The following KCNN3 variants were observed in gnomAD, a reference collection of about 807,000 sequenced individuals.
The protein encoded by KCNN3 is small conductance calcium-activated potassium channel protein 3.
In KCNN3, 16 loss-of-function variants were observed where a neutral mutation model predicts 62.9. That is an observed-to-expected ratio of 0.25 (90% confidence interval 0.17 to 0.39). The LOEUF (loss-of-function observed/expected upper bound fraction) is 0.39. Ranked by LOEUF, KCNN3 falls within the 10% of genes least tolerant of loss-of-function variation. The probability of loss-of-function intolerance (pLI) is 1.00; values close to 1 mark genes in which losing one functional copy is unlikely to be tolerated. For missense variants in KCNN3, 599 were observed against 949.4 expected, an observed-to-expected ratio of 0.63 and a Z score of 4.85; for synonymous variants, 370 against 389.2, an observed-to-expected ratio of 0.95 and a Z score of 0.58.
chr1:154,868,225 C>T, intron 1 of KCNN3: 1 of 985,550 alleles, frequency 1.0e-6, no homozygotes, highest in Non-Finnish European at 1.2e-6. Flanking sequence ...CAGCTGATTC[C>T]AAGGCGGCGC....
At chr1:154,843,124 G>A (rs1417280653) in intron 1 of KCNN3, among the ~76,000 whole-genome samples, 1 of 152,138 alleles carries the variant, frequency 6.6e-6, no homozygotes, top group Non-Finnish European at 1.5e-5. Context: ...CATAGATGCT[G>A]AAGAAGTATG....
chr1:154,843,109 A>T (rs1185683791), intron 1 of KCNN3, among the ~76,000 whole-genome samples: 1 of 152,178 alleles, frequency 6.6e-6, no homozygotes, highest in Non-Finnish European at 1.5e-5. Context: ...AGCCCAGCCC[A>T]TAGACATAGA....
At chr1:154,810,150 T>C (rs57438059) in intron 2 of KCNN3, among the ~76,000 whole-genome samples, 10,088 of 152,148 alleles carry the variant, frequency 0.066, 498 homozygotes, top group African/African-American at 0.13. Context: ...GCTGGCACCT[T>C]ACCATAGGAA....
At chr1:154,760,101 C>G (rs1297550417) in intron 3 of KCNN3, among the ~76,000 whole-genome samples, 2 of 151,968 alleles carry the variant, frequency 1.3e-5, no homozygotes, top group Admixed American at 1.3e-4. Flanking sequence ...CAACCTCCGC[C>G]TCTCAGGTTC....
intron 7 of KCNN3, 42 bp downstream of exon 7, chr1:154,713,422 G>A: frequency 6.6e-7 from 1 of 1,505,758 alleles, no homozygotes; most frequent in East Asian, 2.3e-5. Flanking sequence ...AAGACTCAGT[G>A]TCTGCGTGTT....
At chr1:154,843,484 A>G (rs538895508) in intron 1 of KCNN3, among the ~76,000 whole-genome samples, 2 of 152,082 alleles carry the variant, frequency 1.3e-5, no homozygotes, top group Admixed American at 1.3e-4. Flanking sequence ...GGGTCTGGCT[A>G]TGTTGTCCTG....
At chr1:154,792,796 G>A (rs574865462) in intron 2 of KCNN3, among the ~76,000 whole-genome samples, 2 of 152,312 alleles carry the variant, frequency 1.3e-5, no homozygotes, top group Admixed American at 6.5e-5. Context: ...TATGGGCTCC[G>A]AAGTTCTTTT....
At chr1:154,765,041 A>G (rs971878967) in intron 3 of KCNN3, among the ~76,000 whole-genome samples, 1 of 152,170 alleles carries the variant, frequency 6.6e-6, no homozygotes, top group Non-Finnish European at 1.5e-5. Flanking sequence ...TTCCTGAGGG[A>G]GAGTCAGCTC....
In KCNN3 at chr1:154,806,750, C is replaced by T. The variant is rs186688178; in HGVS notation, c.1029+15339G>A. On this transcript the variant is annotated intron_variant, in intron 2 of 7. Transcript: ENST00000271915. ...TCAAAAACTACAAACTAGAAAGGGG[C>T]CTAAAGGAAATTTGGTGCCCAATGA... 3.3e-5 allele frequency among the ~76,000 whole-genome samples: 5 copies of T among 152,212 alleles called. No individual in the cohort carries two copies. In the East Asian group the frequency reaches 7.7e-4, roughly 23 times the overall value.
chr1:154,789,433 G>A (rs1000856547), intron 2 of KCNN3, among the ~76,000 whole-genome samples: 3 of 152,134 alleles, frequency 2.0e-5, no homozygotes, highest in African/African-American at 2.4e-5. Context: ...TGGGGCAGGG[G>A]GGGGCATTAT....
At chr1:154,821,573 A>C (rs1650897673) in intron 2 of KCNN3, among the ~76,000 whole-genome samples, 1 of 152,118 alleles carries the variant, frequency 6.6e-6, no homozygotes, top group Non-Finnish European at 1.5e-5. Flanking sequence ...GCAGACTCTT[A>C]CTCTGTCTAG....
At chr1:154,731,873 T>C (rs1557946915) in intron 4 of KCNN3, among the ~76,000 whole-genome samples, 3 of 152,188 alleles carry the variant, frequency 2.0e-5, no homozygotes, top group Non-Finnish European at 4.4e-5. Context: ...CTTTCCTCTT[T>C]CAGCCTCAGT....
At chr1:154,746,025 T>C (rs1349251424) in intron 3 of KCNN3, among the ~76,000 whole-genome samples, 6 of 152,146 alleles carry the variant, frequency 3.9e-5, no homozygotes, top group African/African-American at 1.4e-4. Context: ...GGGCTTCACT[T>C]CTGTAAAATG....
intron 2 of KCNN3, among the ~76,000 whole-genome samples, chr1:154,806,437 T>G (rs892753859): frequency 6.6e-6 from 1 of 152,194 alleles, no homozygotes; most frequent in African/African-American, 2.4e-5. Flanking sequence ...AACATCAGCA[T>G]GTGGCCAGCA....
Position 154,770,711 on chromosome 1 carries a change from A to G in KCNN3, c.1448+1264T>C, listed in dbSNP as rs751772559. ...CTAGGTCTCACAGCTACTTAGGAGCAGAATCACGGTTTCTAACCTAGATTT... is the reference window on the plus strand; with the variant it reads ...CTAGGTCTCACAGCTACTTAGGAGCGGAATCACGGTTTCTAACCTAGATTT... On this transcript the variant is annotated intron_variant, in intron 3 of 7. Coordinates refer to ENST00000271915, the MANE Select transcript of KCNN3 (RefSeq NM_002249.6). 1.1e-4 allele frequency among the ~76,000 whole-genome samples: 16 copies of G among 152,344 alleles called. No homozygotes were observed. The South Asian group carries it at 1.2e-3, about 12-fold the overall frequency.
At chr1:154,729,353 C>T (rs1700542229) in intron 4 of KCNN3, among the ~76,000 whole-genome samples, 1 of 152,056 alleles carries the variant, frequency 6.6e-6, no homozygotes, top group Non-Finnish European at 1.5e-5. Flanking sequence ...GGATGGGGTC[C>T]ACTTCTGATG....
At chr1:154,783,967 C>G (rs11264261) in intron 2 of KCNN3, among the ~76,000 whole-genome samples, 43,485 of 152,040 alleles carry the variant, frequency 0.29, 6,404 homozygotes, top group East Asian at 0.43. Context: ...GTGCCTAAAG[C>G]GGTTACTAAG....
At chr1:154,868,416 G>A in intron 1 of KCNN3, 1 of 933,730 alleles carries the variant, frequency 1.1e-6, no homozygotes, top group Middle Eastern at 5.5e-4. Context: ...TTTTGCCCGA[G>A]ACTCTCTGAG....
intron 3 of KCNN3, among the ~76,000 whole-genome samples, chr1:154,742,279 G>A (rs1046934750): frequency 3.9e-5 from 6 of 152,162 alleles, no homozygotes; most frequent in African/African-American, 1.4e-4. Flanking sequence ...TCTCCCACAC[G>A]TGGCATCAGC....
Sources: gnomAD v4.1 joint callset for allele counts (sites outside exome capture counted in the v4.1 genomes callset) on GRCh38, gnomAD v4.1.1 for gene constraint, MANE v1.5 for transcripts, NCBI Gene and HGNC (gene_info 2026-07-23, HGNC 2026-07-21) for gene names.